The following CCDC14 variants were observed in gnomAD, a reference collection of about 807,000 sequenced individuals.
CCDC14 encodes coiled-coil domain containing 14.
Under a neutral mutation model 81.4 loss-of-function variants are expected in CCDC14, and 71 were observed. That is an observed-to-expected ratio of 0.87 (90% CI 0.72 to 1.06). CCDC14 has a LOEUF of 1.06. Among genes scored for constraint, CCDC14 ranks in the 50% least tolerant of loss-of-function variants. The probability of loss-of-function intolerance (pLI) is 0.00; values close to 1 mark genes in which losing one functional copy is unlikely to be tolerated. For synonymous variants in CCDC14, 332 were observed against 364.8 expected, an observed-to-expected ratio of 0.91 and a Z score of 1.03; for missense variants, 1,046 against 1,047.3, an observed-to-expected ratio of 1.00 and a Z score of 0.02.
intron 12 of CCDC14, among the ~76,000 whole-genome samples, chr3:123,921,916 A>G (rs1357392776): frequency 6.6e-6 from 1 of 152,230 alleles, no homozygotes; most frequent in Non-Finnish European, 1.5e-5. Context: ...TCCATCCTAC[A>G]GCAACAGAGT....
intron 4 of CCDC14, 40 bp from the exon 5 acceptor site, chr3:123,956,005 C>T: frequency 6.5e-7 from 1 of 1,527,898 alleles, no homozygotes; most frequent in Non-Finnish European, 8.8e-7. Context: ...AAAATAATGA[C>T]TTGAGATAAG....
At chr3:123,939,827 C>CA (rs1472120675) in intron 9 of CCDC14, among the ~76,000 whole-genome samples, 3 of 151,254 alleles carry the variant, frequency 2.0e-5, no homozygotes, top group Admixed American at 6.6e-5. Context: ...ACAAAAACAA[C>CA]AAAAAACAAG....
At chr3:123,904,131 A>T (rs2034246737) in intron 5 of CCDC14, among the ~76,000 whole-genome samples, 1 of 152,222 alleles carries the variant, frequency 6.6e-6, no homozygotes, top group Non-Finnish European at 1.5e-5. Context: ...TGGAATACTA[A>T]CTAGCCATTG....
intron 5 of CCDC14, among the ~76,000 whole-genome samples, chr3:123,900,781 A>T (rs2148758038): frequency 6.6e-6 from 1 of 152,318 alleles, no homozygotes; most frequent in Middle Eastern, 3.4e-3. Context: ...GAGAATACTT[A>T]ATATAAAACT....
At chr3:123,944,769 T>C in intron 9 of CCDC14, 80 bp downstream of exon 9, 3 of 1,053,344 alleles carry the variant, frequency 2.8e-6, no homozygotes, top group Non-Finnish European at 4.0e-6. Flanking sequence ...TATGAAGTCC[T>C]AGGTATGTCA....
intron 9 of CCDC14, among the ~76,000 whole-genome samples, chr3:123,939,731 G>T (rs2036251429): frequency 6.6e-6 from 1 of 151,746 alleles, no homozygotes; most frequent in African/African-American, 2.4e-5. Context: ...ATATTTGTTA[G>T]AGTGAGTGTT....
chr3:123,918,452 G>A (rs111227761), intron 12 of CCDC14, among the ~76,000 whole-genome samples: 6 of 152,046 alleles, frequency 3.9e-5, no homozygotes, highest in Non-Finnish European at 7.4e-5. Flanking sequence ...CATAGAAATC[G>A]AACTAGCTAC....
At position 123,931,162 on chromosome 3, in the gene CCDC14, A is replaced by G. The variant is rs2035677303; in HGVS notation, c.1718T>C (p.Ile573Thr). 1.2e-6 allele frequency: 2 copies of G among 1,612,910 alleles called. No homozygotes were observed. The highest frequency in any genetic ancestry group is 1.7e-6 in the Non-Finnish European group (2 of 1,179,656). The change falls in exon 12 of 13, where the codon ATA becomes ACA. Residue 573 changes from isoleucine to threonine, a missense_variant. By Grantham distance (89) the Ile-to-Thr change is moderately conservative (BLOSUM62 -1). Transcript: ENST00000409697. ...ACGCTGACGTAATGTTATCCCCAAT[A>G]TCTGGTTTTCCTTTTCAGCAGTTTC... ...KLETAEKENQILGITLRQRDA... is the reference protein window; with the variant it reads ...KLETAEKENQTLGITLRQRDA...
downstream of CCDC14, among the ~76,000 whole-genome samples, chr3:123,911,865 G>T (rs991789214): frequency 6.6e-6 from 1 of 152,086 alleles, no homozygotes; most frequent in Non-Finnish European, 1.5e-5. Context: ...GTTGGAGCAG[G>T]CCTTTATCAC....
At chr3:123,958,720 T>C (rs2037488024) in intron 1 of CCDC14, 1 of 152,096 alleles carries the variant, frequency 6.6e-6, no homozygotes, top group African/African-American at 2.4e-5. Flanking sequence ...TGATACAGAA[T>C]TACAATCTAA....
chr3:123,946,781 G>T (rs1319261134), intron 8 of CCDC14, 22 bp downstream of exon 8: 11 of 1,595,138 alleles, frequency 6.9e-6, no homozygotes, highest in African/African-American at 1.4e-5. Context: ...CCATACTACA[G>T]AAAGTTATAA....
At chr3:123,924,034 C>T (rs558948429) in intron 12 of CCDC14, among the ~76,000 whole-genome samples, 2 of 148,924 alleles carry the variant, frequency 1.3e-5, no homozygotes, top group South Asian at 2.1e-4. Context: ...GGGGGCACCA[C>T]ATTCCCTGAT....
chr3:123,946,597 T>C (rs1244658946), intron 8 of CCDC14, among the ~76,000 whole-genome samples: 1 of 152,144 alleles, frequency 6.6e-6, no homozygotes, highest in Non-Finnish European at 1.5e-5. Flanking sequence ...GACTGAATGT[T>C]TGACATTCTC....
At chr3:123,930,946 T>A (rs2035664624) in intron 12 of CCDC14, 156 bp downstream of exon 12, 4 of 636,624 alleles carry the variant, frequency 6.3e-6, no homozygotes, top group Middle Eastern at 8.7e-4. Flanking sequence ...CTAATTTAAT[T>A]GGAACAGAAG....
At chr3:123,945,620 T>A (rs1419190332) in intron 8 of CCDC14, among the ~76,000 whole-genome samples, 1 of 152,174 alleles carries the variant, frequency 6.6e-6, no homozygotes, top group African/African-American at 2.4e-5. Flanking sequence ...TTAATTCTTT[T>A]GCCTTTTATC....
chr3:123,948,218 G>A (rs1296950719), intron 7 of CCDC14, among the ~76,000 whole-genome samples: 1 of 149,984 alleles, frequency 6.7e-6, no homozygotes, highest in African/African-American at 2.5e-5. Flanking sequence ...TTAATAAATA[G>A]GTAAAACTTT....
chr3:123,960,141 A>T (rs1165083007), intron 1 of CCDC14, among the ~76,000 whole-genome samples: 2 of 152,214 alleles, frequency 1.3e-5, no homozygotes. Context: ...TTTATTTTAC[A>T]CTTACTTCTA....
intron 10 of CCDC14, among the ~76,000 whole-genome samples, chr3:123,933,054 G>A (rs1415596904): frequency 6.6e-6 from 1 of 152,044 alleles, no homozygotes; most frequent in Non-Finnish European, 1.5e-5. Context: ...AGACACGATC[G>A]CACCACTGCA....
chr3:123,937,649 A>G (rs541683914), intron 9 of CCDC14, among the ~76,000 whole-genome samples: 1 of 151,964 alleles, frequency 6.6e-6, no homozygotes, highest in Admixed American at 6.6e-5. Flanking sequence ...TTTTTGAAGA[A>G]CTGAAGTTTT....
Sources: gnomAD v4.1 joint callset for allele counts (sites outside exome capture counted in the v4.1 genomes callset) on GRCh38, gnomAD v4.1.1 for gene constraint, MANE v1.5 for transcripts, NCBI Gene and HGNC (gene_info 2026-07-23, HGNC 2026-07-21) for gene names.